Variants in EFNA4 observed in about 807,000 individuals in gnomAD.
EFNA4 encodes ephrin A4.
In EFNA4, 22 loss-of-function variants were observed where a neutral mutation model predicts 23.7. The observed-to-expected ratio is 0.93, with a 90% CI of 0.66 to 1.32. The LOEUF is 1.32. EFNA4 is among the 40% of genes most tolerant of loss of function. The probability of loss-of-function intolerance (pLI) is 0.00; values close to 1 mark genes in which losing one functional copy is unlikely to be tolerated. For synonymous variants in EFNA4, 113 were observed against 108.3 expected, an observed-to-expected ratio of 1.04 and a Z score of -0.27; for missense variants, 252 against 252.3, an observed-to-expected ratio of 1.00 and a Z score of 0.01.
Position 155,069,549 on chromosome 1 carries a change from C to A in EFNA4, c.*560C>A. ...AACCACTCATCTTTTTGTTGCCCTC[C>A]CCAATCTACTGCCCTCAGGCCACTT... On this transcript the variant is annotated 3_prime_UTR_variant, in exon 4 of 4. Coordinates refer to ENST00000368409, the MANE Select transcript of EFNA4 (RefSeq NM_005227.3). 5.0e-6 allele frequency: 1 copy of A among 199,286 alleles called. No homozygotes were observed. Among genetic ancestry groups the A allele is most frequent in the Non-Finnish European group, 1.0e-5 (1 of 99,094 alleles). The allele number at this position is 199,286 out of a possible 1,614,324, so 12.3% of individuals were successfully genotyped here. A position where few individuals can be genotyped will look rare whatever the true frequency, so the allele number is the denominator to read the frequency against.
chr1:155,064,012 C>G (rs968194906), intron 1 of EFNA4, 76 bp downstream of exon 1: 1 of 1,297,812 alleles, frequency 7.7e-7, no homozygotes, highest in Admixed American at 3.5e-5. Flanking sequence ...GCCACCCGCT[C>G]TTTGCGCGGC....
At position 155,066,625 on chromosome 1, in the gene EFNA4, TGGA is replaced by T. The variant is rs1255537265; in HGVS notation, c.114-100_114-98del. The T allele has an allele frequency of 2.9e-6, 4 of 1,381,944 alleles. No individual in the cohort carries two copies. In the African/African-American group the frequency reaches 5.8e-5, roughly 20 times the overall value. The allele number at this position is 1,381,944 out of a possible 1,614,324, so 85.6% of individuals were successfully genotyped here. A position where few individuals can be genotyped will look rare whatever the true frequency, so the allele number is the denominator to read the frequency against. ...CCTGAGCTGCTCCATCGCACATGGGTGGAGGAGAGGCTGGCAGGGGCCTCTGAG... is the reference window on the plus strand; with the variant it reads ...CCTGAGCTGCTCCATCGCACATGGGTGGAGAGGCTGGCAGGGGCCTCTGAG... On this transcript the variant is annotated intron_variant, in intron 1 of 3. Transcript: ENST00000368409.
chr1:155,066,842 T>C lies in EFNA4; in HGVS notation c.226T>C (p.Tyr76His), dbSNP rs1266496575. The C allele has an allele frequency of 4.3e-6, 7 of 1,614,046 alleles. No individual in the cohort carries two copies. Among genetic ancestry groups the C allele is most frequent in the Non-Finnish European group, 5.9e-6 (7 of 1,180,014 alleles). Residue 76 changes from tyrosine (Y) to histidine (H), a missense_variant, in exon 2 of 4, where the codon TAC becomes CAC. By Grantham distance (83) the Tyr-to-His change is moderately conservative (BLOSUM62 2). Transcript: ENST00000368409. ...TGAGGGCCCCGAGACGTTTGCTTTG[T>C]ACATGGTGGACTGGCCAGGCTATGA... ...PPEGPETFAL[Y>H]MVDWPGYESC...
At position 155,067,263 on chromosome 1, in the gene EFNA4, G is replaced by A. The variant is rs370810544; in HGVS notation, c.401-109G>A. 113 of 1,343,060 alleles carry A rather than the reference G, an allele frequency of 8.4e-5. 1 individual carries two copies. The highest frequency in any genetic ancestry group is 6.9e-4 in the South Asian group (55 of 80,254). 83.2% of individuals were successfully genotyped at this position (1,343,060 alleles called of 1,614,324 possible). ...GGGTGTGGCCCCAAAGTAAGGAAAC[G>A]CTTTCCAGGGACCTGGAGAGAAGAA... On this transcript the variant is annotated intron_variant, in intron 2 of 3. Coordinates refer to ENST00000368409, the MANE Select transcript of EFNA4 (RefSeq NM_005227.3).
At chr1:155,064,699 C>T (rs1472859269) in intron 1 of EFNA4, among the ~76,000 whole-genome samples, 2 of 152,202 alleles carry the variant, frequency 1.3e-5, no homozygotes, top group Non-Finnish European at 2.9e-5. Context: ...CTCCCTGCCT[C>T]TCCTATTTCC....
chr1:155,067,920 T>G (rs1663091063), intron 3 of EFNA4, among the ~76,000 whole-genome samples: 1 of 151,200 alleles, frequency 6.6e-6, no homozygotes, highest in South Asian at 2.1e-4. Context: ...CACCCCCAGC[T>G]CCCCCACTTC....
Position 155,063,780 on chromosome 1 carries a change from G to C in EFNA4, c.-44G>C. ...ACCTTTCTCTCCTCGACTGTGAAGC[G>C]GGCCGGGACCTGCCAGGCCAGACCA... is the stretch of plus-strand genomic sequence containing the variant. On this transcript the variant is annotated 5_prime_UTR_variant, in exon 1 of 4. Coordinates refer to ENST00000368409, the MANE Select transcript of EFNA4 (RefSeq NM_005227.3). This position sits in a 1 kb window ranked among gnomAD's most constrained non-coding sequence, Gnocchi z 4.1. 1 of 1,451,994 alleles carries C rather than the reference G, an allele frequency of 6.9e-7. No individual in the cohort carries two copies. Among genetic ancestry groups the C allele is most frequent in the African/African-American group, 1.5e-5 (1 of 67,424 alleles). 89.9% of individuals were successfully genotyped at this position (1,451,994 alleles called of 1,614,324 possible). A position where few individuals can be genotyped will look rare whatever the true frequency, so the allele number is the denominator to read the frequency against.
At chr1:155,065,744 A>G (rs1469886449) in intron 1 of EFNA4, among the ~76,000 whole-genome samples, 1 of 94,634 alleles carries the variant, frequency 1.1e-5, no homozygotes, top group African/African-American at 4.1e-5. Flanking sequence ...TTATTTATTT[A>G]TTTTTTGAGA....
At position 155,063,774 on chromosome 1, in the gene EFNA4, TGA is replaced by T; in HGVS notation, c.-49_-48del. 1 of 1,452,680 alleles carries T rather than the reference TGA, an allele frequency of 6.9e-7. No homozygotes were observed. The highest frequency in any genetic ancestry group is 9.1e-7 in the Non-Finnish European group (1 of 1,095,732). The allele number at this position is 1,452,680 out of a possible 1,614,324, so 90.0% of individuals were successfully genotyped here. ...CTTTGTACCTTTCTCTCCTCGACTG[TGA>T]AGCGGGCCGGGACCTGCCAGGCCAG... On this transcript the variant is annotated 5_prime_UTR_variant, in exon 1 of 4. Transcript: ENST00000368409. This position sits in a 1 kb window ranked among gnomAD's most constrained non-coding sequence, Gnocchi z 4.1.
At chr1:155,067,487 G>C in intron 3 of EFNA4, 47 bp downstream of exon 3, 1 of 1,594,986 alleles carries the variant, frequency 6.3e-7, no homozygotes, top group Non-Finnish European at 8.6e-7. Flanking sequence ...GTGGGGCCTT[G>C]GGAAGGAGGG....
At chr1:155,068,754 C>T in intron 3 of EFNA4, 99 bp from the exon 4 acceptor site, 1 of 1,293,056 alleles carries the variant, frequency 7.7e-7, no homozygotes. Flanking sequence ...GTTTGGGAGA[C>T]CCTGGAGGAT....
chr1:155,064,107 G>A (rs1243636110), intron 1 of EFNA4, among the ~76,000 whole-genome samples, 171 bp downstream of exon 1: 1 of 152,192 alleles, frequency 6.6e-6, no homozygotes, highest in African/African-American at 2.4e-5. Context: ...GGCGCGCCCT[G>A]GGTCTCCCCA....
intron 1 of EFNA4, among the ~76,000 whole-genome samples, chr1:155,064,178 C>T (rs2102438690): frequency 6.6e-6 from 1 of 152,344 alleles, no homozygotes; most frequent in South Asian, 2.1e-4. Flanking sequence ...TCTAGGGGGT[C>T]TTGGAGCATG....
chr1:155,067,118 A>G (rs766449592), intron 2 of EFNA4, 102 bp downstream of exon 2: 50 of 1,404,398 alleles, frequency 3.6e-5, no homozygotes, highest in Non-Finnish European at 4.7e-5. Context: ...TCTAATGTAC[A>G]TCGGGTTGAG....
At chr1:155,065,741 TTTA>T (rs869290865) in intron 1 of EFNA4, among the ~76,000 whole-genome samples, 2 of 118,300 alleles carry the variant, frequency 1.7e-5, no homozygotes, top group Non-Finnish European at 1.8e-5. Flanking sequence ...TATTTATTTA[TTTA>T]TTTTTTGAGA....
In EFNA4 at chr1:155,063,756, C is replaced by A; in HGVS notation, c.-68C>A. On this transcript the variant is annotated 5_prime_UTR_variant, in exon 1 of 4. Transcript: ENST00000368409. The surrounding 1 kb of genome is among the most constrained non-coding windows in gnomAD (Gnocchi z 4.1). Reference sequence around the variant, plus strand: ...CCGCAACTTCCCTCTTCACTTTGTACCTTTCTCTCCTCGACTGTGAAGCGG... The same window carrying A: ...CCGCAACTTCCCTCTTCACTTTGTAACTTTCTCTCCTCGACTGTGAAGCGG... 1.5e-6 allele frequency: 2 copies of A among 1,368,176 alleles called. No individual in the cohort carries two copies. The highest frequency in any genetic ancestry group is 1.9e-6 in the Non-Finnish European group (2 of 1,029,826). The allele number at this position is 1,368,176 out of a possible 1,614,324, so 84.8% of individuals were successfully genotyped here. A position where few individuals can be genotyped will look rare whatever the true frequency, so the allele number is the denominator to read the frequency against.
intron 1 of EFNA4, among the ~76,000 whole-genome samples, chr1:155,064,746 T>A (rs1662962052): frequency 6.6e-6 from 1 of 152,218 alleles, no homozygotes; most frequent in Non-Finnish European, 1.5e-5. Context: ...CTTGAGACAA[T>A]CTGTGACTAT....
chr1:155,066,126 C>T (rs765534821), intron 1 of EFNA4, among the ~76,000 whole-genome samples: 67 of 152,290 alleles, frequency 4.4e-4, no homozygotes, highest in Non-Finnish European at 6.9e-4. Flanking sequence ...ACCTCGGCCT[C>T]CCAAAGTGCT....
chr1:155,068,427 ATTTTTTTTTTTTT>A (rs71077978), intron 3 of EFNA4, among the ~76,000 whole-genome samples: 1,279 of 25,386 alleles, frequency 0.05, 39 homozygotes, highest in Non-Finnish European at 0.063. Context: ...CACCCAGCTG[ATTTTTTTTTTTTT>A]TTTTTTTTTT....
Sources: gnomAD v4.1 joint callset for allele counts (sites outside exome capture counted in the v4.1 genomes callset) on GRCh38, gnomAD v4.1.1 for gene constraint, Gnocchi (gnomAD v3.1) non-coding constraint, MANE v1.5 for transcripts, NCBI Gene and HGNC (gene_info 2026-07-23, HGNC 2026-07-21) for gene names.